The following PSORS1C1 variants were observed in gnomAD, a reference collection of about 807,000 sequenced individuals.
PSORS1C1 encodes psoriasis susceptibility 1 candidate 1, also known as psoriasis susceptibility 1 candidate gene 1 protein.
In PSORS1C1, 7 loss-of-function variants were observed where a neutral mutation model predicts 9.4. The ratio of observed to expected loss-of-function variants is 0.75; its 90% CI spans 0.42 to 1.40. The LOEUF is 1.40. Ranked by LOEUF, PSORS1C1 falls within the 40% of genes most tolerant of loss-of-function variation. The pLI is 0.01. For synonymous variants in PSORS1C1, 63 were observed against 69.4 expected (o/e 0.91, Z 0.46); for missense variants, 146 against 178.1 (o/e 0.82, Z 1.02).
Position 31,117,707 on chromosome 6 carries a change from G to A in PSORS1C1, c.-229+2816G>A, listed in dbSNP as rs375723047. 598 of 619,398 alleles carry A rather than the reference G, an allele frequency of 9.7e-4. 6 individuals carry two copies. The South Asian group carries it at 0.011, about 12-fold the overall frequency. The allele number at this position is 619,398 out of a possible 1,614,324, so 38.4% of individuals were successfully genotyped here. On this transcript the variant is annotated intron_variant, in intron 1 of 5. Coordinates refer to ENST00000259881, the MANE Select transcript of PSORS1C1 (RefSeq NM_014068.3). The stretch of plus-strand genomic sequence containing the variant: ...GTCTCTAAAGGATATTGAGGTGGCC[G>A]AATAAAGGCATTTCTTTGTTTGGGA...
rs1773305231 is a variant in PSORS1C1, at chr6:31,138,853, A to C, written c.167+74A>C. ...CAGAAAGCCATTTCTGGTGAGCCAG[A>C]TGCACCTTCTGCGTCCCCTGAATTC... On this transcript the variant is annotated intron_variant, in intron 5 of 5. Transcript: ENST00000259881. The C allele has an allele frequency of 7.5e-6, 12 of 1,608,030 alleles. No individual in the cohort carries two copies. The Admixed American group carries it at 1.7e-4, about 22-fold the overall frequency.
chr6:31,129,696 C>T (rs1390895421), intron 3 of PSORS1C1, 51 bp downstream of exon 3: 1 of 779,178 alleles, frequency 1.3e-6, no homozygotes, highest in Non-Finnish European at 2.4e-6. Flanking sequence ...TGGGGCTAAT[C>T]ATTTGCTTTA....
At chr6:31,117,438 C>T (rs1451482053) in intron 1 of PSORS1C1, 2 of 1,559,290 alleles carry the variant, frequency 1.3e-6, no homozygotes, top group Admixed American at 1.9e-5. Context: ...TGGAGTCACC[C>T]TTCCCAGTGA....
intron 3 of PSORS1C1, among the ~76,000 whole-genome samples, chr6:31,129,991 G>A (rs1319757761): frequency 6.6e-6 from 1 of 152,162 alleles, no homozygotes; most frequent in Non-Finnish European, 1.5e-5. Context: ...TCAGGACGCT[G>A]TGGTAGGAGG....
rs1380792598 is a variant in PSORS1C1 at position 31,128,378 on chromosome 6, C to T, written c.-64-1191C>T. On this transcript the variant is annotated intron_variant, in intron 2 of 5. Transcript: ENST00000259881. This position sits in a 1 kb window ranked among gnomAD's most constrained non-coding sequence, Gnocchi z 4.3. ...GAGTTTAGAGGTTATTAAAGAAATC[C>T]CCCTAAAGTCCCATCCCAAGGTCAC... Among the ~76,000 whole-genome samples, 2 of 152,250 alleles carry T rather than the reference C, an allele frequency of 1.3e-5. No homozygotes were observed. Among genetic ancestry groups the T allele is most frequent in the East Asian group, 3.9e-4 (2 of 5,178 alleles).
intron 1 of PSORS1C1, among the ~76,000 whole-genome samples, chr6:31,122,252 T>C (rs543697270): frequency 6.6e-6 from 1 of 152,322 alleles, no homozygotes; most frequent in East Asian, 1.9e-4. Flanking sequence ...AAAGGTTAAA[T>C]GGGACAAGGG....
chr6:31,124,272 G>C (rs3095307), intron 1 of PSORS1C1, among the ~76,000 whole-genome samples: 87,742 of 151,910 alleles, frequency 0.58, 26,415 homozygotes, highest in African/African-American at 0.75. Context: ...GCTGGGGCAA[G>C]TTGAGGGACT....
Position 31,115,186 on chromosome 6 carries a change from A to C in PSORS1C1, c.-229+295A>C. 1 of 336,570 alleles carries C rather than the reference A, an allele frequency of 3.0e-6. No individual in the cohort carries two copies. The highest frequency in any genetic ancestry group is 5.8e-6 in the Non-Finnish European group (1 of 173,214). The allele number at this position is 336,570 out of a possible 1,614,324, so 20.8% of individuals were successfully genotyped here. On this transcript the variant is annotated intron_variant, in intron 1 of 5. Coordinates refer to ENST00000259881, the MANE Select transcript of PSORS1C1 (RefSeq NM_014068.3). This position sits in a 1 kb window ranked among gnomAD's most constrained non-coding sequence, Gnocchi z 4.2. ...CCGCTTTTGAAGGAAAATGAGGAAC[A>C]CAGAGACCTCTAGAGGCGTAGGAAG...
At chr6:31,137,879 C>T in intron 3 of PSORS1C1, 1 of 660,036 alleles carries the variant, frequency 1.5e-6, no homozygotes, top group East Asian at 3.1e-5. Flanking sequence ...GAAGAATTCA[C>T]GGGGAATCAG....
rs1393180792 is a variant in PSORS1C1 at position 31,128,816 on chromosome 6, C to A, written c.-64-753C>A. Among the ~76,000 whole-genome samples the A allele has an allele frequency of 6.6e-6, 1 of 152,094 alleles. No homozygotes were observed. The highest frequency in any genetic ancestry group is 1.9e-4 in the East Asian group (1 of 5,196). On this transcript the variant is annotated intron_variant, in intron 2 of 5. Coordinates refer to ENST00000259881, the MANE Select transcript of PSORS1C1 (RefSeq NM_014068.3). The surrounding 1 kb of genome is among the most constrained non-coding windows in gnomAD (Gnocchi z 4.3). ...CTGGGCTCCTACGTCAGGGTTTGCC[C>A]CCTCTCTAATTTAACTTTTTATCAA...
chr6:31,137,853 A>G, intron 3 of PSORS1C1: 1 of 560,996 alleles, frequency 1.8e-6, no homozygotes, highest in South Asian at 3.3e-5. Flanking sequence ...AGGTTTAAGG[A>G]GACAGGCTAA....
intron 3 of PSORS1C1, 114 bp downstream of exon 3, chr6:31,129,759 GA>G (rs1772826931): frequency 1.4e-6 from 1 of 717,642 alleles, no homozygotes; most frequent in Non-Finnish European, 2.6e-6. Flanking sequence ...TACAAAGAAA[GA>G]CAAGGCACAG....
At chr6:31,121,908 C>A (rs1350507773) in intron 1 of PSORS1C1, among the ~76,000 whole-genome samples, 1 of 152,230 alleles carries the variant, frequency 6.6e-6, no homozygotes, top group African/African-American at 2.4e-5. Flanking sequence ...TGGTTGGCCA[C>A]GTGCAGCTAG....
At chr6:31,121,173 T>TGG (rs28383830) in intron 1 of PSORS1C1, among the ~76,000 whole-genome samples, 55,234 of 130,008 alleles carry the variant, frequency 0.42, 10,943 homozygotes, top group African/African-American at 0.57. Flanking sequence ...GTGGCGGGGG[T>TGG]GGGGGGGTGC....
rs1292308589 is a variant in PSORS1C1, at chr6:31,115,094, A to C, written c.-229+203A>C. On this transcript the variant is annotated intron_variant, in intron 1 of 5. Coordinates refer to ENST00000259881, the MANE Select transcript of PSORS1C1 (RefSeq NM_014068.3). The surrounding 1 kb of genome is among the most constrained non-coding windows in gnomAD (Gnocchi z 4.2). ...GGGAGGCCAGGCAATCTCTGCTTTC[A>C]GTTCAACAAATATTTATTGTCTTCC... The C allele has an allele frequency of 2.8e-6, 1 of 356,014 alleles. No individual in the cohort carries two copies. The highest frequency in any genetic ancestry group is 5.5e-6 in the Non-Finnish European group (1 of 181,592). The allele number at this position is 356,014 out of a possible 1,614,324, so 22.1% of individuals were successfully genotyped here.
intron 1 of PSORS1C1, among the ~76,000 whole-genome samples, chr6:31,121,587 A>T (rs1466563104): frequency 6.6e-6 from 1 of 152,074 alleles, no homozygotes; most frequent in African/African-American, 2.4e-5. Context: ...TTGCGGGAGT[A>T]TCAGTATCGG....
In PSORS1C1 at chr6:31,116,794, C is replaced by T. The variant is rs547406928; in HGVS notation, c.-229+1903C>T. The T allele has an allele frequency of 3.3e-5, 53 of 1,613,722 alleles. No homozygotes were observed. In the East Asian group the frequency reaches 6.7e-4, roughly 20 times the overall value. On this transcript the variant is annotated intron_variant, in intron 1 of 5. Coordinates refer to ENST00000259881, the MANE Select transcript of PSORS1C1 (RefSeq NM_014068.3). ...GGGCTTGCCTGGAAGGCCACCATTGCTACAGGGGGGACCTTGAACCACTCC... is the reference window on the plus strand; with the variant it reads ...GGGCTTGCCTGGAAGGCCACCATTGTTACAGGGGGGACCTTGAACCACTCC...
intron 3 of PSORS1C1, among the ~76,000 whole-genome samples, chr6:31,137,080 G>A (rs1257713168): frequency 1.3e-5 from 2 of 152,096 alleles, no homozygotes; most frequent in Admixed American, 6.6e-5. Flanking sequence ...CCCGGGAGGC[G>A]GAGGTTGCAG....
chr6:31,136,390 CA>C (rs11311116), intron 3 of PSORS1C1, among the ~76,000 whole-genome samples: 5,049 of 102,636 alleles, frequency 0.049, 214 homozygotes, highest in African/African-American at 0.13. Flanking sequence ...TAATACGTCT[CA>C]AAAAAAAAAA....
Sources: gnomAD v4.1 joint callset for allele counts (sites outside exome capture counted in the v4.1 genomes callset) on GRCh38, gnomAD v4.1.1 for gene constraint, Gnocchi (gnomAD v3.1) non-coding constraint, MANE v1.5 for transcripts, NCBI Gene and HGNC (gene_info 2026-07-23, HGNC 2026-07-21) for gene names.